DOCK3: variants seen among roughly 807,000 people sequenced by gnomAD.
DOCK3 encodes dedicator of cytokinesis protein 3.
Under a neutral mutation model 265.6 loss-of-function variants are expected in DOCK3, and 60 were observed. That is an observed-to-expected ratio of 0.23 (90% CI 0.18 to 0.28). The LOEUF (loss-of-function observed/expected upper bound fraction) is 0.28, where lower values mean the gene tolerates loss of function less well. Among genes scored for constraint, DOCK3 ranks in the 10% least tolerant of loss-of-function variants. The pLI is 1.00. For synonymous variants in DOCK3, 881 were observed against 938.0 expected (o/e 0.94, Z 1.11); for missense variants, 1,981 against 2,594.3 (o/e 0.76, Z 5.14).
intron 3 of DOCK3, among the ~76,000 whole-genome samples, chr3:50,865,213 C>G (rs970053584): frequency 6.6e-6 from 1 of 152,012 alleles, no homozygotes; most frequent in African/African-American, 2.4e-5. Flanking sequence ...CTGTAGTCAC[C>G]ATGTTGTGCT....
intron 12 of DOCK3, among the ~76,000 whole-genome samples, chr3:51,163,079 A>G (rs2086213323): frequency 6.6e-6 from 1 of 152,188 alleles, no homozygotes; most frequent in South Asian, 2.1e-4. Flanking sequence ...GAGAAGCAAT[A>G]TTTTCCAGTA....
chr3:50,853,906 G>A (rs1479782366), intron 3 of DOCK3, among the ~76,000 whole-genome samples: 1 of 151,578 alleles, frequency 6.6e-6, no homozygotes, highest in South Asian at 2.1e-4. Flanking sequence ...TTCCACAGGG[G>A]CTGAACTAAT....
At chr3:51,328,950 C>T (rs2084334077) in intron 32 of DOCK3, among the ~76,000 whole-genome samples, 1 of 152,000 alleles carries the variant, frequency 6.6e-6, no homozygotes, top group Non-Finnish European at 1.5e-5. Flanking sequence ...GTCAGGAATT[C>T]AATACCAGCC....
chr3:51,371,117 C>G (rs762958760), intron 49 of DOCK3, among the ~76,000 whole-genome samples: 5 of 152,262 alleles, frequency 3.3e-5, no homozygotes, highest in Non-Finnish European at 4.4e-5. Flanking sequence ...CTAATGTCAA[C>G]CCAGATACCA....
chr3:51,064,317 A>T, intron 5 of DOCK3, 131 bp from the exon 6 acceptor site: 1 of 1,184,150 alleles, frequency 8.4e-7, no homozygotes, highest in Non-Finnish European at 1.2e-6. Flanking sequence ...CTTTAAAATT[A>T]AGTTCCTCTT....
Position 51,375,747 on chromosome 3 carries a change from G to A in DOCK3, c.5413-1G>A. ...CTGTAATGTTTATCTCCTTCCTTCA[G>A]CCGCCGAATTTCCAGCGAGCCCTGT... On this transcript the variant is annotated splice_acceptor_variant, in intron 50 of 52. Transcript: ENST00000266037. LOFTEE classifies it high-confidence loss of function. 1 of 1,613,902 alleles carries A rather than the reference G, an allele frequency of 6.2e-7. No homozygotes were observed. The highest frequency in any genetic ancestry group is 8.5e-7 in the Non-Finnish European group (1 of 1,179,874).
chr3:51,105,314 G>T (rs531181767), intron 9 of DOCK3, among the ~76,000 whole-genome samples: 1 of 152,130 alleles, frequency 6.6e-6, no homozygotes, highest in Non-Finnish European at 1.5e-5. Context: ...ATCTCATAGT[G>T]CACAGATAAT....
At chr3:51,079,505 A>G (rs1307759161) in intron 7 of DOCK3, among the ~76,000 whole-genome samples, 1 of 151,582 alleles carries the variant, frequency 6.6e-6, no homozygotes, top group Non-Finnish European at 1.5e-5. Context: ...GCTAATTTTT[A>G]TTTTATTATT....
At chr3:50,874,518 G>GA (rs772981768) in intron 3 of DOCK3, among the ~76,000 whole-genome samples, 143 of 127,022 alleles carry the variant, frequency 1.1e-3, no homozygotes, top group East Asian at 4.0e-3. Flanking sequence ...AATAAATAAA[G>GA]AAAAAAAAAA....
At chr3:51,219,251 G>A (rs545399727) in intron 14 of DOCK3, among the ~76,000 whole-genome samples, 7 of 151,920 alleles carry the variant, frequency 4.6e-5, no homozygotes, top group Middle Eastern at 3.4e-3. Flanking sequence ...CTTCATTTTC[G>A]CCCCTTTCTT....
In DOCK3 at chr3:51,383,899, C is replaced by T. The variant is rs1452198582; in HGVS notation, c.*2340C>T. 1.3e-5 allele frequency: 2 copies of T among 152,564 alleles called. No individual in the cohort carries two copies. The highest frequency in any genetic ancestry group is 2.9e-5 in the Non-Finnish European group (2 of 68,030). 9.5% of individuals were successfully genotyped at this position (152,564 alleles called of 1,614,324 possible). On this transcript the variant is annotated 3_prime_UTR_variant, in exon 53 of 53. Transcript: ENST00000266037. The stretch of plus-strand genomic sequence containing the variant: ...CACTATAAATGTGTTTTTAACCTCC[C>T]GCATTCTGTGCTTATTTAAAACAAG...
intron 38 of DOCK3, among the ~76,000 whole-genome samples, chr3:51,347,322 G>A (rs2085655251): frequency 6.6e-6 from 1 of 152,198 alleles, no homozygotes; most frequent in Non-Finnish European, 1.5e-5. Flanking sequence ...TGTACGAGGT[G>A]TAAGGAAGGG....
chr3:50,970,923 AT>A (rs1246172340), intron 5 of DOCK3, among the ~76,000 whole-genome samples: 24 of 70,830 alleles, frequency 3.4e-4, no homozygotes, highest in Admixed American at 1.0e-3. Context: ...ATATATATAT[AT>A]ATATATATAT....
intron 22 of DOCK3, among the ~76,000 whole-genome samples, chr3:51,257,200 A>G (rs2079595710): frequency 6.6e-6 from 1 of 152,218 alleles, no homozygotes; most frequent in African/African-American, 2.4e-5. Context: ...AGGTTTTATC[A>G]GGTCATTTCC....
chr3:51,274,749 C>CCAGCCTGGGTGACA (rs1221188138), intron 24 of DOCK3, among the ~76,000 whole-genome samples: 3 of 152,102 alleles, frequency 2.0e-5, no homozygotes. Flanking sequence ...CCCCTGCATT[C>CCAGCCTGGGTGACA]CAGCCTGGGT....
chr3:51,220,670 A>AATATATAT (rs1384358811), intron 14 of DOCK3, among the ~76,000 whole-genome samples: 3 of 108,086 alleles, frequency 2.8e-5, no homozygotes, highest in African/African-American at 1.2e-4. Context: ...AAAAAAAAAA[A>AATATATAT]ATATATATAT....
At chr3:51,156,374 C>A (rs4560329) in intron 10 of DOCK3, among the ~76,000 whole-genome samples, 118,130 of 152,102 alleles carry the variant, frequency 0.78, 46,971 homozygotes, top group Middle Eastern at 0.89. Context: ...AATCTAATTC[C>A]TGCCATGTAA....
rs2077127322 is a variant in DOCK3 at position 50,969,358 on chromosome 3, A to G, written c.315+35281A>G. On this transcript the variant is annotated intron_variant, in intron 5 of 52. Transcript: ENST00000266037. ...CTTTCCACCCCTTTACATTGAGTCTATAAATGTCTTTACAAGTTAGATGGG... is the reference window on the plus strand; with the variant it reads ...CTTTCCACCCCTTTACATTGAGTCTGTAAATGTCTTTACAAGTTAGATGGG... 1.3e-5 allele frequency among the ~76,000 whole-genome samples: 2 copies of G among 152,142 alleles called. 1 individual carries two copies. Among genetic ancestry groups the G allele is most frequent in the South Asian group, 4.1e-4 (2 of 4,832 alleles).
At chr3:51,380,703 A>G (rs1169963069) in intron 52 of DOCK3, among the ~76,000 whole-genome samples, 1 of 152,164 alleles carries the variant, frequency 6.6e-6, no homozygotes, top group African/African-American at 2.4e-5. Flanking sequence ...CCTCTGGTCC[A>G]CGGCCCACCA....
Sources: allele counts gnomAD v4.1 joint callset (sites outside exome capture counted in the v4.1 genomes callset), GRCh38; gene constraint gnomAD v4.1.1; transcripts MANE v1.5; gene names NCBI Gene and HGNC (gene_info 2026-07-23, HGNC 2026-07-21).